Variants in PHACTR4 observed in about 807,000 individuals in gnomAD.
The protein encoded by PHACTR4 is protein phosphatase 1, regulatory subunit 124.
PHACTR4 carries 51 observed loss-of-function variants against 72.7 expected under a neutral mutation model. The observed-to-expected ratio is 0.70, with a 90% CI of 0.56 to 0.89. PHACTR4 has a LOEUF of 0.89. Among genes scored for constraint, PHACTR4 ranks in the 40% least tolerant of loss-of-function variants. The pLI, the probability that PHACTR4 is intolerant of heterozygous loss-of-function variation, is 0.00. For missense variants in PHACTR4, 731 were observed against 861.8 expected (o/e 0.85, Z 1.90); for synonymous variants, 255 against 302.5 (o/e 0.84, Z 1.63).
chr1:28,387,066 C>T (rs937927845), intron 1 of PHACTR4, among the ~76,000 whole-genome samples: 1 of 151,878 alleles, frequency 6.6e-6, no homozygotes, highest in Non-Finnish European at 1.5e-5. Context: ...ATCGAGACAA[C>T]CCTGGCCAAC....
chr1:28,411,172 A>C, intron 2 of PHACTR4, among the ~76,000 whole-genome samples: 1 of 149,384 alleles, frequency 6.7e-6, no homozygotes, highest in African/African-American at 2.5e-5. Context: ...TCAGCCTCCC[A>C]AGTAGCTGGG....
chr1:28,381,889 C>T (rs1482517526), intron 1 of PHACTR4, among the ~76,000 whole-genome samples: 3 of 152,068 alleles, frequency 2.0e-5, no homozygotes, highest in East Asian at 1.9e-4. Context: ...TCTTGTGCTT[C>T]AGCCTCCTGA....
At chr1:28,433,464 T>C (rs1233058584) in intron 2 of PHACTR4, among the ~76,000 whole-genome samples, 2 of 146,114 alleles carry the variant, frequency 1.4e-5, no homozygotes, top group Non-Finnish European at 3.0e-5. Flanking sequence ...CTTTTTTTCT[T>C]TTTTTTTTTT....
intron 9 of PHACTR4, among the ~76,000 whole-genome samples, chr1:28,487,717 G>GTTTTTTTTTTTTTTTTTTTTT (rs1320016675): frequency 9.8e-6 from 1 of 102,416 alleles, no homozygotes; most frequent in African/African-American, 4.1e-5. Context: ...ACAAATTGTA[G>GTTTTTTTTTTTTTTTTTTTTT]TTTTTTGTTG....
At chr1:28,458,175 T>A (rs1658547171) in intron 2 of PHACTR4, among the ~76,000 whole-genome samples, 1 of 151,212 alleles carries the variant, frequency 6.6e-6, no homozygotes, top group Admixed American at 6.6e-5. Context: ...AGGCTCTCAC[T>A]CTGTTGCCCA....
At chr1:28,483,102 A>G (rs1473242959) in intron 9 of PHACTR4, among the ~76,000 whole-genome samples, 14 of 151,450 alleles carry the variant, frequency 9.2e-5, no homozygotes, top group African/African-American at 3.2e-4. Flanking sequence ...TGGTCTGACT[A>G]CTTTGAAATT....
In PHACTR4 at chr1:28,465,668, CTTCT is replaced by C. The variant is rs1659109831; in HGVS notation, c.272-13_272-10del. 3 of 1,608,212 alleles carry C rather than the reference CTTCT, an allele frequency of 1.9e-6. No individual in the cohort carries two copies. The highest frequency in any genetic ancestry group is 1.7e-4 in the Middle Eastern group (1 of 6,024). On this transcript the variant is annotated splice_polypyrimidine_tract_variant and intron_variant, in intron 4 of 13. Transcript: ENST00000373839. Reference sequence around the variant, plus strand: ...CATGCCAACTTCATCACTTTGTACTCTTCTTTCACCTTGCAGGTGGTGAGGATCC... The same window carrying C: ...CATGCCAACTTCATCACTTTGTACTCTTCACCTTGCAGGTGGTGAGGATCC...
intron 2 of PHACTR4, among the ~76,000 whole-genome samples, chr1:28,428,081 C>T (rs937154468): frequency 4.6e-5 from 7 of 152,154 alleles, no homozygotes; most frequent in East Asian, 1.9e-4. Flanking sequence ...AATATTGAAT[C>T]GGTTAAATCA....
At chr1:28,443,606 C>A (rs370842621) in intron 2 of PHACTR4, among the ~76,000 whole-genome samples, 2 of 152,086 alleles carry the variant, frequency 1.3e-5, no homozygotes, top group African/African-American at 4.8e-5. Flanking sequence ...TGCCACCACA[C>A]CTGGCTAGTT....
chr1:28,486,513 C>T (rs75498965), intron 9 of PHACTR4, among the ~76,000 whole-genome samples: 14,469 of 151,922 alleles, frequency 0.095, 1,540 homozygotes, highest in African/African-American at 0.27. Context: ...TCAGTTATAT[C>T]GTATTAAAGC....
chr1:28,402,971 A>C (rs1440672436), intron 1 of PHACTR4, among the ~76,000 whole-genome samples: 3 of 152,216 alleles, frequency 2.0e-5, no homozygotes, highest in Admixed American at 2.0e-4. Context: ...GGTCTATAAG[A>C]GTCCCTTGGA....
intron 2 of PHACTR4, chr1:28,457,385 C>A (rs535863353): frequency 1.0e-4 from 41 of 410,592 alleles, no homozygotes; most frequent in Non-Finnish European, 1.7e-4. Flanking sequence ...CTCTTGAGAC[C>A]AGGCATTTGA....
intron 2 of PHACTR4, among the ~76,000 whole-genome samples, chr1:28,452,073 T>C (rs544122585): frequency 1.3e-5 from 2 of 152,312 alleles, no homozygotes; most frequent in African/African-American, 4.8e-5. Flanking sequence ...GAGAATATAC[T>C]TAAAAGAACT....
At chr1:28,494,623 A>G (rs1246626473) in intron 13 of PHACTR4, among the ~76,000 whole-genome samples, 5 of 152,204 alleles carry the variant, frequency 3.3e-5, no homozygotes, top group Non-Finnish European at 5.9e-5. Flanking sequence ...CTGCGCTCCA[A>G]CCTGGGCAAC....
chr1:28,433,465 T>C (rs1280427568), intron 2 of PHACTR4, among the ~76,000 whole-genome samples: 1 of 148,622 alleles, frequency 6.7e-6, no homozygotes, highest in Non-Finnish European at 1.5e-5. Flanking sequence ...TTTTTTTCTT[T>C]TTTTTTTTTT....
intron 2 of PHACTR4, among the ~76,000 whole-genome samples, chr1:28,447,201 G>A (rs895945245): frequency 2.0e-5 from 3 of 151,546 alleles, no homozygotes; most frequent in East Asian, 1.9e-4. Flanking sequence ...TAGTAGAGAC[G>A]GGGTTTCGCC....
chr1:28,461,972 A>T (rs1658841512), intron 4 of PHACTR4, among the ~76,000 whole-genome samples: 2 of 150,472 alleles, frequency 1.3e-5, no homozygotes, highest in African/African-American at 5.0e-5. Context: ...GTTACGTACT[A>T]CTTTAATGGT....
At chr1:28,389,276 ATG>A (rs1262265260) in intron 1 of PHACTR4, among the ~76,000 whole-genome samples, 2 of 152,138 alleles carry the variant, frequency 1.3e-5, no homozygotes, top group Non-Finnish European at 2.9e-5. Context: ...CCTCTGGAAA[ATG>A]CAAATTAAAA....
In PHACTR4 at chr1:28,433,446, TTTTTTTTC is replaced by T. The variant is rs939951347; in HGVS notation, c.17-25623_17-25616del. Among the ~76,000 whole-genome samples, 12 of 147,186 alleles carry T rather than the reference TTTTTTTTC, an allele frequency of 8.2e-5. No homozygotes were observed. In the East Asian group the frequency reaches 1.4e-3, roughly 17 times the overall value. On this transcript the variant is annotated intron_variant, in intron 2 of 13. Coordinates refer to ENST00000373839, the MANE Select transcript of PHACTR4 (RefSeq NM_001048183.3). ...AACAGACTTAGCATTTCTTTCTTTC[TTTTTTTTC>T]TTTTTTTCTTTTTTTTTTTTTTTGA...
Sources: allele counts gnomAD v4.1 joint callset (sites outside exome capture counted in the v4.1 genomes callset), GRCh38; gene constraint gnomAD v4.1.1; transcripts MANE v1.5; gene names NCBI Gene and HGNC (gene_info 2026-07-23, HGNC 2026-07-21).